Variants in ACBD6 observed in about 807,000 individuals in gnomAD.
ACBD6 encodes acyl-CoA binding domain containing 6.
In ACBD6, 28 loss-of-function variants were observed where a neutral mutation model predicts 37.2. That is an observed-to-expected ratio of 0.75 (90% CI 0.56 to 1.03). The LOEUF (loss-of-function observed/expected upper bound fraction) is 1.03, where lower values mean the gene tolerates loss of function less well. ACBD6 is among the 50% of genes least tolerant of loss of function. The pLI is 0.00. For missense variants in ACBD6, 340 were observed against 337.4 expected, an observed-to-expected ratio of 1.01 and a Z score of -0.06; for synonymous variants, 113 against 126.8, an observed-to-expected ratio of 0.89 and a Z score of 0.73.
intron 6 of ACBD6, among the ~76,000 whole-genome samples, chr1:180,343,580 A>T (rs1044418601): frequency 6.6e-6 from 1 of 152,186 alleles, no homozygotes; most frequent in Admixed American, 6.5e-5. Flanking sequence ...CAGAACCTTC[A>T]TCCTTCACAA....
intron 7 of ACBD6, among the ~76,000 whole-genome samples, chr1:180,289,025 C>A (rs1649596678): frequency 8.3e-6 from 1 of 119,976 alleles, no homozygotes; most frequent in Admixed American, 1.0e-4. Flanking sequence ...TCAGACCATT[C>A]TTCTACAGGA....
At chr1:180,433,108 C>T (rs772447636) in intron 3 of ACBD6, among the ~76,000 whole-genome samples, 4 of 152,088 alleles carry the variant, frequency 2.6e-5, no homozygotes, top group Non-Finnish European at 5.9e-5. Context: ...AAACTAAAAC[C>T]AATATCCCTG....
chr1:180,491,390 T>C (rs562105808), intron 3 of ACBD6, among the ~76,000 whole-genome samples: 12 of 152,362 alleles, frequency 7.9e-5, no homozygotes, highest in African/African-American at 2.9e-4. Flanking sequence ...TCTTTCTAGA[T>C]GTTCTCCAAT....
chr1:180,309,282 T>A (rs1290518411), intron 7 of ACBD6, among the ~76,000 whole-genome samples: 2 of 152,228 alleles, frequency 1.3e-5, no homozygotes, highest in Admixed American at 1.3e-4. Context: ...CTTATTTGAA[T>A]CCAGTCAGAA....
At chr1:180,274,362 C>A (rs1648894506) in intron 10 of ACBD6, 2 of 1,614,214 alleles carry the variant, frequency 1.2e-6, no homozygotes, top group Middle Eastern at 1.6e-4. Context: ...TCCATATCGT[C>A]CCTGCCATCC....
chr1:180,371,556 T>A (rs193185963), intron 6 of ACBD6, among the ~76,000 whole-genome samples: 5 of 152,276 alleles, frequency 3.3e-5, no homozygotes, highest in Non-Finnish European at 7.4e-5. Context: ...CCTACTTTTT[T>A]AAAAGATCTA....
chr1:180,377,241 G>A (rs1387030245), intron 6 of ACBD6, among the ~76,000 whole-genome samples: 2 of 152,082 alleles, frequency 1.3e-5, no homozygotes, highest in Admixed American at 1.3e-4. Context: ...GTAAACACAC[G>A]ATATTCTATA....
Position 180,397,818 on chromosome 1 carries a change from C to T in ACBD6, c.574-213G>A, listed in dbSNP as rs1273846251. Among the ~76,000 whole-genome samples the T allele has an allele frequency of 3.9e-5, 6 of 151,976 alleles. No homozygotes were observed. The East Asian group carries it at 7.7e-4, about 19-fold the overall frequency. ...CTGTAATCCCAGCACTTTGAAAGGC[C>T]GAGGTGGGTGGATCACTTGAGGTCA... is the stretch of plus-strand genomic sequence containing the variant. On this transcript the variant is annotated intron_variant, in intron 5 of 7. Transcript: ENST00000367595.
At chr1:180,488,757 T>C (rs1040534305) in intron 3 of ACBD6, among the ~76,000 whole-genome samples, 5 of 152,036 alleles carry the variant, frequency 3.3e-5, no homozygotes, top group Admixed American at 3.3e-4. Context: ...TGTTCTTTTT[T>C]TAAAATAGAG....
intron 6 of ACBD6, among the ~76,000 whole-genome samples, chr1:180,384,927 T>G (rs1653794089): frequency 6.6e-6 from 1 of 152,144 alleles, no homozygotes. Context: ...CATGTTCTCA[T>G]TCATATGTAG....
chr1:180,348,848 A>G (rs1181332808), intron 6 of ACBD6, among the ~76,000 whole-genome samples: 2 of 152,226 alleles, frequency 1.3e-5, no homozygotes, highest in African/African-American at 4.8e-5. Flanking sequence ...GCTTTTACTA[A>G]GAACTTATGA....
intron 8 of ACBD6, among the ~76,000 whole-genome samples, chr1:180,282,972 G>GTTTTTTTT (rs34828086): frequency 1.0e-4 from 11 of 110,014 alleles, no homozygotes; most frequent in Non-Finnish European, 1.3e-4. Flanking sequence ...ATGTCTTTCT[G>GTTTTTTTT]TTTTTTTTTT....
At chr1:180,348,694 G>C (rs1652286283) in intron 6 of ACBD6, among the ~76,000 whole-genome samples, 2 of 152,278 alleles carry the variant, frequency 1.3e-5, no homozygotes, top group South Asian at 4.1e-4. Flanking sequence ...TTGTAAGCCT[G>C]CCCCTCCATT....
At chr1:180,397,454 T>C (rs1654305901) in intron 6 of ACBD6, 62 bp downstream of exon 6, 1 of 1,431,386 alleles carries the variant, frequency 7.0e-7, no homozygotes. Context: ...ATCTGGTAAA[T>C]TTTATGTTAT....
At chr1:180,327,156 G>C (rs1651285695) in intron 6 of ACBD6, among the ~76,000 whole-genome samples, 1 of 152,118 alleles carries the variant, frequency 6.6e-6, no homozygotes, top group African/African-American at 2.4e-5. Flanking sequence ...GATATCTTTG[G>C]CCCGCAGTGG....
chr1:180,404,392 C>T (rs576152779), intron 5 of ACBD6, among the ~76,000 whole-genome samples: 5 of 152,232 alleles, frequency 3.3e-5, no homozygotes, highest in Non-Finnish European at 5.9e-5. Flanking sequence ...AACTCCTGCG[C>T]TCAAGAATTC....
chr1:180,337,229 A>T (rs1180300533), intron 6 of ACBD6, among the ~76,000 whole-genome samples: 1 of 152,212 alleles, frequency 6.6e-6, no homozygotes, highest in African/African-American at 2.4e-5. Flanking sequence ...AATATCCCTG[A>T]TGAACATCGA....
intron 5 of ACBD6, among the ~76,000 whole-genome samples, chr1:180,410,996 C>G (rs571304790): frequency 1.3e-5 from 2 of 152,222 alleles, no homozygotes; most frequent in South Asian, 4.1e-4. Context: ...TAACAGGAGT[C>G]TGGAAGAAGT....
chr1:180,377,648 C>T (rs555234142), intron 6 of ACBD6, among the ~76,000 whole-genome samples: 1 of 152,244 alleles, frequency 6.6e-6, no homozygotes, highest in Admixed American at 6.5e-5. Context: ...TTGATGGACG[C>T]TAAAATTAAT....
Sources: gnomAD v4.1 joint callset for allele counts (sites outside exome capture counted in the v4.1 genomes callset) on GRCh38, gnomAD v4.1.1 for gene constraint, MANE v1.5 for transcripts, NCBI Gene and HGNC (gene_info 2026-07-23, HGNC 2026-07-21) for gene names.